WDR54: variants seen among roughly 807,000 people sequenced by gnomAD.
WDR54 encodes the protein WD repeat-containing protein 54.
WDR54 carries 44 observed loss-of-function variants against 44.1 expected under a neutral mutation model. The observed-to-expected ratio is 1.00, with a 90% confidence interval of 0.78 to 1.28. The LOEUF (loss-of-function observed/expected upper bound fraction) is 1.28, where lower values mean the gene tolerates loss of function less well. Among genes scored for constraint, WDR54 ranks in the 50% most tolerant of loss-of-function variants. The pLI, the probability that WDR54 is intolerant of heterozygous loss-of-function variation, is 0.00. For missense variants in WDR54, 409 were observed against 429.7 expected, an observed-to-expected ratio of 0.95 and a Z score of 0.43; for synonymous variants, 169 against 169.8, an observed-to-expected ratio of 1.00 and a Z score of 0.04.
intron 2 of WDR54, 70 bp from the exon 3 acceptor site, chr2:74,422,800 A>G: frequency 7.0e-7 from 1 of 1,426,736 alleles, no homozygotes; most frequent in South Asian, 1.2e-5. Context: ...CCCCCAAAAA[A>G]AAAAAAAAAA....
intron 1 of WDR54, 141 bp downstream of exon 1, chr2:74,421,957 C>A: frequency 3.2e-6 from 2 of 623,164 alleles, no homozygotes; most frequent in African/African-American, 1.8e-5. Flanking sequence ...CTCTGCGATT[C>A]CCCCGTCGCC....
chr2:74,424,714 G>A (rs1050620620), intron 6 of WDR54, among the ~76,000 whole-genome samples, 161 bp from the exon 7 acceptor site: 1 of 152,228 alleles, frequency 6.6e-6, no homozygotes, highest in Admixed American at 6.5e-5. Context: ...GAACCCTGGT[G>A]GTAGGGGTGG....
intron 2 of WDR54, 72 bp from the exon 3 acceptor site, chr2:74,422,793 CCAAAA>C (rs1670178103): frequency 7.1e-5 from 68 of 958,454 alleles, no homozygotes; most frequent in Admixed American, 7.9e-5. Context: ...ACTCCGTCCC[CCAAAA>C]AAAAAAAAAA....
At position 74,423,855 on chromosome 2, in the gene WDR54, G is replaced by A. The variant is rs369545883; in HGVS notation, c.407G>A (p.Gly136Glu). ...IAASGHFICV[G>E]TWSGRVLVFD... ...ACTGGAGTACTGGTTCTGGATACAGGAACGTGGTCAGGCCGGGTGCTGGTG... is the reference window on the plus strand; with the variant it reads ...ACTGGAGTACTGGTTCTGGATACAGAAACGTGGTCAGGCCGGGTGCTGGTG... The change falls in exon 6 of 10, where the codon GGA becomes GAA. Residue 136 changes from glycine to glutamate, a missense_variant and splice_region_variant. By Grantham distance (98) the Gly-to-Glu change is moderately conservative. Coordinates refer to ENST00000348227, the MANE Select transcript of WDR54 (RefSeq NM_032118.4). 1 of 1,614,060 alleles carries A rather than the reference G, an allele frequency of 6.2e-7. No homozygotes were observed. Among genetic ancestry groups the A allele is most frequent in the African/African-American group, 1.3e-5 (1 of 75,030 alleles).
chr2:74,422,962 C>T, intron 3 of WDR54, 30 bp downstream of exon 3: 1 of 1,611,138 alleles, frequency 6.2e-7, no homozygotes, highest in Non-Finnish European at 8.5e-7. Context: ...GCTTGCCCCA[C>T]CAGAGCCTTC....
rs898093766 is a variant in WDR54 at position 74,425,153 on chromosome 2, G to A, written c.714G>A (p.Glu238=). 6.4e-7 allele frequency: 1 copy of A among 1,554,176 alleles called. No individual in the cohort carries two copies. Among genetic ancestry groups the A allele is most frequent in the Non-Finnish European group, 8.7e-7 (1 of 1,146,260 alleles). Residue 238 remains glutamate, a synonymous_variant, in exon 8 of 10, where the codon GAG becomes GAA. Transcript: ENST00000348227. ...GGAACGGACAAGTGCATCTATATGA[G>A]GCCACTACAGGAAATCTACATGTCC... ...GYGNGQVHLY[E]ATTGNLHVQI... is the part of the protein sequence containing the mutation.
chr2:74,422,576 G>C, intron 2 of WDR54: 1 of 672,702 alleles, frequency 1.5e-6, no homozygotes. Flanking sequence ...GGGCACTTGA[G>C]GCCAGGAGTT....
At position 74,422,946 on chromosome 2, in the gene WDR54, T is replaced by C. The variant is rs1313082097; in HGVS notation, c.285+14T>C. 3 of 1,614,040 alleles carry C rather than the reference T, an allele frequency of 1.9e-6. No homozygotes were observed. Among genetic ancestry groups the C allele is most frequent in the Non-Finnish European group, 2.5e-6 (3 of 1,179,902 alleles). On this transcript the variant is annotated intron_variant, in intron 3 of 9. Coordinates refer to ENST00000348227, the MANE Select transcript of WDR54 (RefSeq NM_032118.4). ...CGAGGAATACAGGTAAGAAGAGGAC[T>C]CTCCTGCTTGCCCCACCAGAGCCTT...
chr2:74,423,881 T>C lies in WDR54; in HGVS notation c.433T>C (p.Phe145Leu). ...AACGTGGTCAGGCCGGGTGCTGGTG[T>C]TTGACATCCCAGCAAAGGGTCCCAA... ...VGTWSGRVLV[F>L]DIPAKGPNIV... Residue 145 changes from phenylalanine to leucine, a missense_variant, in exon 6 of 10, where the codon TTT (phenylalanine) becomes CTT (leucine). Physicochemically the swap from Phe to Leu is conservative, Grantham distance 22 (BLOSUM62 0). Coordinates refer to ENST00000348227, the MANE Select transcript of WDR54 (RefSeq NM_032118.4). 4 of 1,614,124 alleles carry C rather than the reference T, an allele frequency of 2.5e-6. No homozygotes were observed. Among genetic ancestry groups the C allele is most frequent in the Non-Finnish European group, 3.4e-6 (4 of 1,180,014 alleles).
chr2:74,422,807 A>AAC (rs1553370551), intron 2 of WDR54, 63 bp from the exon 3 acceptor site: 75 of 1,452,824 alleles, frequency 5.2e-5, no homozygotes, highest in African/African-American at 2.6e-4. Context: ...AAAAAAAAAA[A>AAC]AAACAAACAA....
chr2:74,422,511 C>T, intron 2 of WDR54, 136 bp downstream of exon 2: 1 of 1,117,558 alleles, frequency 8.9e-7, no homozygotes, highest in South Asian at 1.6e-5. Flanking sequence ...TCTCCCCTCT[C>T]CTGCCGGGCG....
In WDR54 at chr2:74,425,217, C is replaced by T. The variant is rs757112970; in HGVS notation, c.778C>T (p.Leu260=). The T allele has an allele frequency of 2.6e-6, 4 of 1,532,234 alleles. No homozygotes were observed. Among genetic ancestry groups the T allele is most frequent in the Middle Eastern group, 1.8e-4 (1 of 5,648 alleles). 94.9% of individuals were successfully genotyped at this position (1,532,234 alleles called of 1,614,324 possible). The change falls in exon 8 of 10, where the codon CTG becomes TTG. Residue 260 remains leucine (L), a synonymous_variant. Coordinates refer to ENST00000348227, the MANE Select transcript of WDR54 (RefSeq NM_032118.4). ...TGCCCGGGCCATCTGCGCCCTGGAC[C>T]TGGCTTCTGAGGTGGGCAAGGTAAG... ...AHARAICALD[L]ASEVGKLLSA...
Position 74,423,911 on chromosome 2 carries a change from G to A in WDR54, c.463G>A (p.Val155Ile). 1.2e-6 allele frequency: 2 copies of A among 1,614,140 alleles called. No homozygotes were observed. Among genetic ancestry groups the A allele is most frequent in the East Asian group, 2.2e-5 (1 of 44,874 alleles). The change falls in exon 6 of 10, where the codon GTA (valine) becomes ATA (isoleucine). Residue 155 changes from valine to isoleucine, a missense_variant. Val to Ile is a conservative substitution (Grantham distance 29). Transcript: ENST00000348227. Reference sequence around the variant, plus strand: ...CATCCCAGCAAAGGGTCCCAACATTGTACTGAGCGAGGAGCTGGCTGGGCA... The same window carrying A: ...CATCCCAGCAAAGGGTCCCAACATTATACTGAGCGAGGAGCTGGCTGGGCA... The part of the protein sequence containing the change: ...FDIPAKGPNI[V>I]LSEELAGHQM...
rs369545883 is a variant in WDR54 at position 74,423,855 on chromosome 2, G to T, written c.407G>T (p.Gly136Val). The T allele has an allele frequency of 1.2e-6, 2 of 1,614,060 alleles. No individual in the cohort carries two copies. Among genetic ancestry groups the T allele is most frequent in the South Asian group, 2.2e-5 (2 of 91,068 alleles). Residue 136 changes from glycine to valine, a missense_variant and splice_region_variant, in exon 6 of 10, where the codon GGA (glycine) becomes GTA (valine). Physicochemically the swap from Gly to Val is moderately radical, Grantham distance 109. Coordinates refer to ENST00000348227, the MANE Select transcript of WDR54 (RefSeq NM_032118.4). ...ACTGGAGTACTGGTTCTGGATACAG[G>T]AACGTGGTCAGGCCGGGTGCTGGTG... ...IAASGHFICV[G>V]TWSGRVLVFD...
intron 3 of WDR54, 43 bp downstream of exon 3, chr2:74,422,975 A>G: frequency 6.2e-7 from 1 of 1,601,706 alleles, no homozygotes; most frequent in Non-Finnish European, 8.6e-7. Flanking sequence ...GAGCCTTCTC[A>G]GCTTCCCTGC....
In WDR54 at chr2:74,422,185, G is replaced by T. The variant is rs763968610; in HGVS notation, c.32G>T (p.Arg11Leu). The T allele has an allele frequency of 6.2e-7, 1 of 1,613,574 alleles. No homozygotes were observed. The highest frequency in any genetic ancestry group is 2.2e-5 in the East Asian group (1 of 44,874). Residue 11 changes from arginine to leucine, a missense_variant, in exon 2 of 10, where the codon CGA (arginine) becomes CTA (leucine). By Grantham distance (102) the Arg-to-Leu change is moderately radical. Transcript: ENST00000348227. ...CGCTGGGAGCGCTCCATTCCCCTGC[G>T]AGGCTCGGCCGCCGCCCTGTGCAAC... MFRWERSIPL[R>L]GSAAALCNNL...
chr2:74,423,082 C>CTTCAATCTTATCTTCAAT lies in WDR54; in HGVS notation c.285+150_285+151insTTCAATCTTATCTTCAAT. The CTTCAATCTTATCTTCAAT allele has an allele frequency of 3.2e-6, 3 of 927,460 alleles. No homozygotes were observed. In the South Asian group the frequency reaches 4.6e-5, roughly 14 times the overall value. 57.5% of individuals were successfully genotyped at this position (927,460 alleles called of 1,614,324 possible). A position where few individuals can be genotyped will look rare whatever the true frequency, so the allele number is the denominator to read the frequency against. Reference sequence around the variant, plus strand: ...TTTCTATTTCTTATCTTCAATCTTTCCATCTTTTCCAGTTTCCAAGTGCCA... The same window carrying CTTCAATCTTATCTTCAAT: ...TTTCTATTTCTTATCTTCAATCTTTCTTCAATCTTATCTTCAATCATCTTTTCCAGTTTCCAAGTGCCA... On this transcript the variant is annotated intron_variant, in intron 3 of 9. Transcript: ENST00000348227.
In WDR54 at chr2:74,422,167, A is replaced by G. The variant is rs557411396; in HGVS notation, c.14A>G (p.Glu5Gly). The G allele has an allele frequency of 3.7e-6, 6 of 1,612,708 alleles. No homozygotes were observed. The African/African-American group carries it at 6.7e-5, about 18-fold the overall frequency. ...CCCCCACACAGGATGTTCCGCTGGG[A>G]GCGCTCCATTCCCCTGCGAGGCTCG... Reference protein sequence around the residue: MFRWERSIPLRGSAA... With the variant: MFRWGRSIPLRGSAA... The change falls in exon 2 of 10, where the codon GAG becomes GGG. Residue 5 changes from glutamate to glycine, a missense_variant. Transcript: ENST00000348227.
chr2:74,422,040 T>C, intron 1 of WDR54, 113 bp from the exon 2 acceptor site: 1 of 1,124,776 alleles, frequency 8.9e-7, no homozygotes, highest in South Asian at 1.4e-5. Flanking sequence ...GGGCACCCCA[T>C]CCTATGACCC....
Sources: allele counts gnomAD v4.1 joint callset (sites outside exome capture counted in the v4.1 genomes callset), GRCh38; gene constraint gnomAD v4.1.1; transcripts MANE v1.5; gene names NCBI Gene and HGNC (gene_info 2026-07-23, HGNC 2026-07-21).